Variants in PCDH19 observed in about 807,000 individuals in gnomAD.
PCDH19 encodes protocadherin 19.
PCDH19 carries 6 observed loss-of-function variants against 46.2 expected under a neutral mutation model. The observed-to-expected ratio is 0.13, with a 90% CI of 0.07 to 0.26. PCDH19 has a LOEUF of 0.26. Among genes scored for constraint, PCDH19 ranks in the 10% least tolerant of loss-of-function variants. The pLI is 1.00. For missense variants in PCDH19, 740 were observed against 972.3 expected, an observed-to-expected ratio of 0.76 and a Z score of 3.18; for synonymous variants, 481 against 415.7, an observed-to-expected ratio of 1.16 and a Z score of -1.91.
rs200142964 is a variant in PCDH19 at position 100,407,948 on chromosome X, G to T, written c.650C>A (p.Pro217Gln). 1.8e-5 allele frequency: 22 copies of T among 1,209,185 alleles called. No individual in the cohort carries two copies. The highest frequency in any genetic ancestry group is 1.8e-5 in the South Asian group (1 of 56,940). ...ACTAAGGCCAACGGTGCCCAGGCGCGGCGGGTCGCCACCGTCTAGCGCAGT... is the reference window on the plus strand; with the variant it reads ...ACTAAGGCCAACGGTGCCCAGGCGCTGCGGGTCGCCACCGTCTAGCGCAGT... ...RITALDGGDP[P>Q]RLGTVGLSIK... is the part of the protein sequence containing the mutation. Residue 217 changes from proline (P) to glutamine (Q), a missense_variant, in exon 1 of 6, where the codon CCG becomes CAG. By Grantham distance (76) the Pro-to-Gln change is moderately conservative. Coordinates refer to ENST00000373034, the MANE Select transcript of PCDH19 (RefSeq NM_001184880.2).
At chrX:100,376,377 T>C (rs1184624229) in intron 3 of PCDH19, among the ~76,000 whole-genome samples, 1 of 111,792 alleles carries the variant, frequency 8.9e-6, no homozygotes, top group Non-Finnish European at 1.9e-5. Context: ...CTCTTTCCAC[T>C]TTGACTTACT....
intron 5 of PCDH19, among the ~76,000 whole-genome samples, chrX:100,322,151 T>C (rs932386834): frequency 9.0e-6 from 1 of 111,122 alleles, no homozygotes; most frequent in African/African-American, 3.3e-5. Flanking sequence ...CCTAAGCCAA[T>C]GTCTAGAAGG....
chrX:100,320,147 T>G (rs1260452120), intron 5 of PCDH19, among the ~76,000 whole-genome samples: 1 of 111,855 alleles, frequency 8.9e-6, no homozygotes, highest in Non-Finnish European at 1.9e-5. Flanking sequence ...AAGAGTCAGA[T>G]TTCCCACCTT....
rs1396329027 is a variant in PCDH19 at position 100,409,128 on chromosome X, C to G, written c.-531G>C. The G allele has an allele frequency of 8.8e-6, 1 of 113,111 alleles. No homozygotes were observed. Among genetic ancestry groups the G allele is most frequent in the Non-Finnish European group, 1.9e-5 (1 of 53,258 alleles). 9.3% of individuals were successfully genotyped at this position (113,111 alleles called of 1,213,427 possible). A position where few individuals can be genotyped will look rare whatever the true frequency, so the allele number is the denominator to read the frequency against. ...ACCTGGCATGCGCAAAGACCTCCCC[C>G]CAGCGCTCCCAGTTCACTGCGGAGA... is the stretch of plus-strand genomic sequence containing the variant. On this transcript the variant is annotated 5_prime_UTR_variant, in exon 1 of 6. Transcript: ENST00000373034.
chrX:100,323,921 T>C (rs750749705), intron 5 of PCDH19, among the ~76,000 whole-genome samples: 259 of 111,000 alleles, frequency 2.3e-3, no homozygotes, highest in East Asian at 0.012. Context: ...GGGGAAAAAG[T>C]GTGTGTGACG....
chrX:100,376,066 G>A (rs62601556), intron 3 of PCDH19, among the ~76,000 whole-genome samples: 2,234 of 109,365 alleles, frequency 0.02, 31 homozygotes, highest in Non-Finnish European at 0.034. Flanking sequence ...GGGAAACCCC[G>A]TCTCTACTAA....
At chrX:100,339,861 T>C (rs1374323663) in intron 5 of PCDH19, among the ~76,000 whole-genome samples, 4 of 112,230 alleles carry the variant, frequency 3.6e-5, no homozygotes, top group African/African-American at 9.7e-5. Flanking sequence ...GCAAATCAAA[T>C]AGTAAGAAAC....
chrX:100,408,251 T>C lies in PCDH19; in HGVS notation c.347A>G (p.Lys116Arg). 1 of 1,211,667 alleles carries C rather than the reference T, an allele frequency of 8.3e-7. No homozygotes were observed. Among genetic ancestry groups the C allele is most frequent in the Non-Finnish European group, 1.1e-6 (1 of 895,379 alleles). Residue 116 changes from lysine to arginine, a missense_variant, in exon 1 of 6, where the codon AAG becomes AGG. Physicochemically the swap from Lys to Arg is conservative, Grantham distance 26. Around this residue, in one of 5 missense-constraint regions of PCDH19, gnomAD observed 81 missense variants for 96.5 expected, o/e 0.84. Coordinates refer to ENST00000373034, the MANE Select transcript of PCDH19 (RefSeq NM_001184880.2). Reference sequence around the variant, plus strand: ...GTCGTTCAGGTCCTTGATCTCCACCTTTATCACGCAGATTTCCATTGAGCT... The same window carrying C: ...GTCGTTCAGGTCCTTGATCTCCACCCTTATCACGCAGATTTCCATTGAGCT... ...MSSSMEICVI[K>R]VEIKDLNDNA...
chrX:100,319,283 C>A (rs894732147), intron 5 of PCDH19, among the ~76,000 whole-genome samples: 1 of 111,464 alleles, frequency 9.0e-6, no homozygotes, highest in African/African-American at 3.3e-5. Flanking sequence ...GAAATCCCAA[C>A]AATTAACAAG....
chrX:100,399,724 G>A (rs945138168), intron 3 of PCDH19, among the ~76,000 whole-genome samples: 1 of 111,597 alleles, frequency 9.0e-6, no homozygotes, highest in Non-Finnish European at 1.9e-5. Context: ...AACTCTCCAG[G>A]AGGGACTGAA....
chrX:100,327,525 A>T (rs2069864648), intron 5 of PCDH19, among the ~76,000 whole-genome samples: 1 of 112,038 alleles, frequency 8.9e-6, no homozygotes, highest in Admixed American at 9.5e-5. Flanking sequence ...TATTAGTTGG[A>T]GCCTGAAGTG....
intron 5 of PCDH19, among the ~76,000 whole-genome samples, chrX:100,306,131 C>T (rs1924939141): frequency 8.9e-6 from 1 of 111,780 alleles, no homozygotes; most frequent in African/African-American, 3.2e-5. Flanking sequence ...TTCACCAGCA[C>T]ATGGAACATT....
chrX:100,409,699 C>T lies in PCDH19; in HGVS notation c.-1102G>A. 4.1e-6 allele frequency: 1 copy of T among 243,899 alleles called. No individual in the cohort carries two copies. Among genetic ancestry groups the T allele is most frequent in the Non-Finnish European group, 7.3e-6 (1 of 137,481 alleles). 20.1% of individuals were successfully genotyped at this position (243,899 alleles called of 1,213,427 possible). On this transcript the variant is annotated 5_prime_UTR_variant, in exon 1 of 6. Coordinates refer to ENST00000373034, the MANE Select transcript of PCDH19 (RefSeq NM_001184880.2). ...CTTCTCTCCGTTTGGGCTGGGGTGT[C>T]GCTCCAAGGTCCGCCGCCGCCGCCG...
Position 100,296,306 on chromosome X carries a change from C to T in PCDH19, c.3418G>A (p.Val1140Met). 8.3e-7 allele frequency: 1 copy of T among 1,210,920 alleles called. No individual in the cohort carries two copies. The highest frequency in any genetic ancestry group is 1.1e-6 in the Non-Finnish European group (1 of 894,558). Residue 1140 changes from valine (V) to methionine (M), a missense_variant, in exon 6 of 6, where the codon GTG (valine) becomes ATG (methionine). This residue lies in a region of PCDH19 where 416 missense variants were observed against 476.8 expected (regional missense o/e 0.87). Transcript: ENST00000373034. Reference sequence around the variant, plus strand: ...AGAACGATATCCTTCAGACGCTTCACACCAGGGGACTCTTTGTTGCGACCT... The same window carrying T: ...AGAACGATATCCTTCAGACGCTTCATACCAGGGGACTCTTTGTTGCGACCT... ...KEGRNKESPG[V>M]KRLKDIVL
intron 5 of PCDH19, among the ~76,000 whole-genome samples, chrX:100,300,445 C>T (rs754615374): frequency 2.7e-5 from 3 of 111,409 alleles, no homozygotes; most frequent in Non-Finnish European, 5.7e-5. Context: ...GATGGGCTCA[C>T]GATTCACTAA....
At position 100,342,108 on chromosome X, in the gene PCDH19, G is replaced by A. The variant is rs201451647; in HGVS notation, c.2676-33C>T. On this transcript the variant is annotated intron_variant, in intron 4 of 5. Coordinates refer to ENST00000373034, the MANE Select transcript of PCDH19 (RefSeq NM_001184880.2). ...GAAGACAGAATGATAATTTACGACC[G>A]TGACAGATCTGATTTTAAAAATCTT... 217 of 1,164,454 alleles carry A rather than the reference G, an allele frequency of 1.9e-4. 1 individual carries two copies. Among genetic ancestry groups the A allele is most frequent in the Middle Eastern group, 1.2e-3 (5 of 4,258 alleles).
At chrX:100,317,882 C>T (rs1475421855) in intron 5 of PCDH19, among the ~76,000 whole-genome samples, 1 of 112,030 alleles carries the variant, frequency 8.9e-6, no homozygotes, top group Non-Finnish European at 1.9e-5. Context: ...ACTACAGGGA[C>T]TGGTGAAGAA....
chrX:100,369,614 CTTCAT>C (rs1488739370), intron 3 of PCDH19, among the ~76,000 whole-genome samples: 1 of 112,331 alleles, frequency 8.9e-6, no homozygotes, highest in Non-Finnish European at 1.9e-5. Flanking sequence ...GTTTTAGTCT[CTTCAT>C]TTCAACACAT....
At chrX:100,350,615 G>A (rs757696782) in intron 4 of PCDH19, 31 bp downstream of exon 4, 5 of 1,040,307 alleles carry the variant, frequency 4.8e-6, no homozygotes, top group Non-Finnish European at 6.8e-6. Flanking sequence ...ATCAAGCTTA[G>A]TTGCAGCAAT....
Sources: allele counts gnomAD v4.1 joint callset (sites outside exome capture counted in the v4.1 genomes callset), GRCh38; gene constraint gnomAD v4.1.1; regional missense constraint gnomAD v4.1.1; transcripts MANE v1.5; gene names NCBI Gene and HGNC (gene_info 2026-07-23, HGNC 2026-07-21).